RNF213: variants seen among roughly 807,000 people sequenced by gnomAD.
RNF213 encodes the protein E3 ubiquitin-protein ligase RNF213.
A neutral mutation model predicts 514.4 loss-of-function variants in RNF213; 341 were observed. The ratio of observed to expected loss-of-function variants is 0.66; its 90% confidence interval spans 0.61 to 0.73. RNF213 has a LOEUF of 0.73. Ranked by LOEUF, RNF213 falls within the 30% of genes least tolerant of loss-of-function variation. The probability of loss-of-function intolerance (pLI) is 0.00; values close to 1 mark genes in which losing one functional copy is unlikely to be tolerated. For missense variants in RNF213, 5,767 were observed against 6,615.6 expected, an observed-to-expected ratio of 0.87 and a Z score of 4.45; for synonymous variants, 2,655 against 2,658.2, an observed-to-expected ratio of 1.00 and a Z score of 0.04.
intron 17 of RNF213, chr17:80,319,638 G>A: frequency 6.6e-7 from 1 of 1,513,166 alleles, no homozygotes; most frequent in Non-Finnish European, 8.9e-7. Context: ...CTGCTGGTTT[G>A]ATTGATTGTT....
intron 67 of RNF213, among the ~76,000 whole-genome samples, chr17:80,391,040 C>A (rs1369601330): frequency 6.6e-6 from 1 of 151,840 alleles, no homozygotes; most frequent in African/African-American, 2.4e-5. Flanking sequence ...CCAGCCTGGG[C>A]AACAGAGGGA....
rs1278247743 is a variant in RNF213, at chr17:80,398,102, T to A, written c.*4604T>A. ...CCATTTGAGGGGAAGCGTGGCCTGA[T>A]CACCCACGGCGTGCCTGTACTGGCA... On this transcript the variant is annotated 3_prime_UTR_variant, in exon 68 of 68. Coordinates refer to ENST00000582970, the MANE Select transcript of RNF213 (RefSeq NM_001256071.3). The A allele has an allele frequency of 6.6e-6, 1 of 151,690 alleles. No individual in the cohort carries two copies. Among genetic ancestry groups the A allele is most frequent in the African/African-American group, 2.4e-5 (1 of 41,286 alleles). 9.4% of individuals were successfully genotyped at this position (151,690 alleles called of 1,614,324 possible). A position where few individuals can be genotyped will look rare whatever the true frequency, so the allele number is the denominator to read the frequency against.
In RNF213 at chr17:80,305,590, ATTAAG is replaced by A. The variant is rs948670892; in HGVS notation, c.2211-657_2211-653del. On this transcript the variant is annotated intron_variant, in intron 11 of 67. Coordinates refer to ENST00000582970, the MANE Select transcript of RNF213 (RefSeq NM_001256071.3). ...TCTTATTCCGTATTCTGAATTCTAT[ATTAAG>A]TTAATTCTCCTTTTTTCTTTCCTTT... Among the ~76,000 whole-genome samples, 113 of 150,808 alleles carry A rather than the reference ATTAAG, an allele frequency of 7.5e-4. 2 individuals are homozygous for A. The highest frequency in any genetic ancestry group is 2.4e-3 in the African/African-American group (98 of 40,636).
chr17:80,389,785 G>A lies in RNF213; in HGVS notation c.15196-43G>A, dbSNP rs546374586. 2,381 of 1,521,154 alleles carry A rather than the reference G, an allele frequency of 1.6e-3. 45 individuals carry two copies. The South Asian group carries it at 0.025, about 16-fold the overall frequency. The allele number at this position is 1,521,154 out of a possible 1,614,324, so 94.2% of individuals were successfully genotyped here. ...CCTGGTGCACGACATGAGTGGGGGTGTGAGACCTCAGCCCCCACTCAGGAA... is the reference window on the plus strand; with the variant it reads ...CCTGGTGCACGACATGAGTGGGGGTATGAGACCTCAGCCCCCACTCAGGAA... On this transcript the variant is annotated intron_variant, in intron 65 of 67. Transcript: ENST00000582970.
rs1042471995 is a variant in RNF213, at chr17:80,372,865, G to C, written c.12752-110G>C. On this transcript the variant is annotated intron_variant, in intron 48 of 67. Coordinates refer to ENST00000582970, the MANE Select transcript of RNF213 (RefSeq NM_001256071.3). ...TCTACATCCCCTCTCCCCTGGATGTGTTTCTGTGAATGCCTGTGGGTAGGT... is the reference window on the plus strand; with the variant it reads ...TCTACATCCCCTCTCCCCTGGATGTCTTTCTGTGAATGCCTGTGGGTAGGT... 2.9e-6 allele frequency: 4 copies of C among 1,381,000 alleles called. No individual in the cohort carries two copies. In the African/African-American group the frequency reaches 4.3e-5, roughly 15 times the overall value. The allele number at this position is 1,381,000 out of a possible 1,614,324, so 85.5% of individuals were successfully genotyped here.
At chr17:80,326,654 G>C (rs1394870331) in intron 18 of RNF213, among the ~76,000 whole-genome samples, 5 of 152,164 alleles carry the variant, frequency 3.3e-5, no homozygotes, top group Admixed American at 1.3e-4. Context: ...GAATCTTATA[G>C]GATGTCGCCT....
chr17:80,388,957 T>C, intron 64 of RNF213: 1 of 623,806 alleles, frequency 1.6e-6, no homozygotes, highest in Non-Finnish European at 2.9e-6. Context: ...GGAACCGATT[T>C]GTTCCTGCTC....
Position 80,376,830 on chromosome 17 carries a change from C to A in RNF213, c.13429-52C>A, listed in dbSNP as rs377084551. 45 of 1,494,532 alleles carry A rather than the reference C, an allele frequency of 3.0e-5. No individual in the cohort carries two copies. The Admixed American group carries it at 6.4e-4, about 21-fold the overall frequency. 92.6% of individuals were successfully genotyped at this position (1,494,532 alleles called of 1,614,324 possible). A position where few individuals can be genotyped will look rare whatever the true frequency, so the allele number is the denominator to read the frequency against. On this transcript the variant is annotated intron_variant, in intron 52 of 67. Coordinates refer to ENST00000582970, the MANE Select transcript of RNF213 (RefSeq NM_001256071.3). ...TAGGCCTCCTGCTGAGCAGCAGCAC[C>A]CAGGTGACAAGCTCACTTATCTAGA... is the stretch of plus-strand genomic sequence containing the variant.
intron 16 of RNF213, 149 bp from the exon 17 acceptor site, chr17:80,319,041 A>G: frequency 6.4e-7 from 1 of 1,557,994 alleles, no homozygotes; most frequent in East Asian, 2.2e-5. Flanking sequence ...GGCAGGGAGG[A>G]CATGCTTTGC....
chr17:80,368,436 T>TTG (rs2079369048), intron 44 of RNF213, among the ~76,000 whole-genome samples: 1 of 150,524 alleles, frequency 6.6e-6, no homozygotes, highest in Non-Finnish European at 1.5e-5. Flanking sequence ...CGCCAGTGTT[T>TTG]TTTTTTTTTT....
chr17:80,291,572 C>G (rs1384377064), intron 7 of RNF213, 56 bp from the exon 8 acceptor site: 8 of 1,560,930 alleles, frequency 5.1e-6, no homozygotes, highest in Non-Finnish European at 7.1e-6. Flanking sequence ...TTGAGAATAA[C>G]TAAAATTTCC....
Position 80,375,815 on chromosome 17 carries a change from G to A in RNF213, c.13130G>A (p.Arg4377Lys). The change falls in exon 51 of 68, where the codon AGA becomes AAA. Residue 4377 changes from arginine to lysine, a missense_variant. By Grantham distance (26) the Arg-to-Lys change is conservative. Transcript: ENST00000582970. ...QSAYFLLTLF[R>K]EVAILYRSHN... is the part of the protein sequence containing the mutation. ...GCCTACTTCCTGTTAACACTGTTTA[G>A]AGAGGTGGCTATTTTGTACAGATCC... 6.2e-7 allele frequency: 1 copy of A among 1,614,188 alleles called. No homozygotes were observed. The highest frequency in any genetic ancestry group is 1.1e-5 in the South Asian group (1 of 91,084).
chr17:80,297,889 C>T (rs1245693860), intron 10 of RNF213, among the ~76,000 whole-genome samples: 3 of 151,920 alleles, frequency 2.0e-5, no homozygotes, highest in Non-Finnish European at 2.9e-5. Flanking sequence ...CCCAAGAGTT[C>T]GAGGTTATAA....
At chr17:80,290,878 C>A in intron 7 of RNF213, 150 bp downstream of exon 7, 1 of 847,732 alleles carries the variant, frequency 1.2e-6, no homozygotes, top group Non-Finnish European at 1.9e-6. Context: ...GGCACCATCT[C>A]AGCTCACTGC....
In RNF213 at chr17:80,306,129, C is replaced by A. The variant is rs187469140; in HGVS notation, c.2211-123C>A. ...AGGTGTGAGCCACCACGCCTGCCCT[C>A]AAGTAGTATTTAAATCATTTTTGAA... On this transcript the variant is annotated intron_variant, in intron 11 of 67. Transcript: ENST00000582970. 8.3e-6 allele frequency: 8 copies of A among 962,128 alleles called. No homozygotes were observed. In the African/African-American group the frequency reaches 1.3e-4, roughly 15 times the overall value. 59.6% of individuals were successfully genotyped at this position (962,128 alleles called of 1,614,324 possible). A position where few individuals can be genotyped will look rare whatever the true frequency, so the allele number is the denominator to read the frequency against.
intron 9 of RNF213, 114 bp from the exon 10 acceptor site, chr17:80,295,443 G>T (rs2044900077): frequency 2.2e-6 from 3 of 1,334,330 alleles, no homozygotes; most frequent in African/African-American, 2.9e-5. Flanking sequence ...CACAGGTGTG[G>T]TGGTGGGGCA....
intron 32 of RNF213, chr17:80,352,439 T>G: frequency 2.6e-6 from 1 of 391,590 alleles, no homozygotes; most frequent in Non-Finnish European, 4.6e-6. Flanking sequence ...GATACGCCTG[T>G]TTGGCGGGGA....
rs550643295 is a variant in RNF213, at chr17:80,317,550, C to G, written c.2901+273C>G. Among the ~76,000 whole-genome samples, 3 of 152,248 alleles carry G rather than the reference C, an allele frequency of 2.0e-5. No individual in the cohort carries two copies. Among genetic ancestry groups the G allele is most frequent in the East Asian group, 1.9e-4 (1 of 5,170 alleles). ...TTTCCTGACCCCTTCGTTGGACTTG[C>G]GACAGGGATGCTGTGTTTACTTGGC... On this transcript the variant is annotated intron_variant, in intron 16 of 67. Transcript: ENST00000582970. The surrounding 1 kb of genome is among the most constrained non-coding windows in gnomAD (Gnocchi z 4.1).
chr17:80,336,126 A>G (rs1032854845), intron 22 of RNF213, 35 bp from the exon 23 acceptor site: 2 of 1,484,380 alleles, frequency 1.3e-6, no homozygotes, highest in Non-Finnish European at 1.8e-6. Context: ...ATCGTGGAAT[A>G]GTCCCACGCT....
Sources: gnomAD v4.1 joint callset for allele counts (sites outside exome capture counted in the v4.1 genomes callset) on GRCh38, gnomAD v4.1.1 for gene constraint, Gnocchi (gnomAD v3.1) non-coding constraint, MANE v1.5 for transcripts, NCBI Gene and HGNC (gene_info 2026-07-23, HGNC 2026-07-21) for gene names.